GOLM2: variants seen among roughly 807,000 people sequenced by gnomAD.
GOLM2 encodes the protein golgi membrane protein 2.
A neutral mutation model predicts 55.9 loss-of-function variants in GOLM2; 26 were observed. The ratio of observed to expected loss-of-function variants is 0.47; its 90% CI spans 0.34 to 0.65. The LOEUF (loss-of-function observed/expected upper bound fraction) is 0.65. GOLM2 is among the 30% of genes least tolerant of loss of function. The pLI is 0.01. For missense variants in GOLM2, 486 were observed against 531.8 expected (o/e 0.91, Z 0.85); for synonymous variants, 165 against 194.6 (o/e 0.85, Z 1.27).
At chr15:44,344,491 A>G (rs1339267640) in intron 6 of GOLM2, among the ~76,000 whole-genome samples, 1 of 151,852 alleles carries the variant, frequency 6.6e-6, no homozygotes, top group African/African-American at 2.4e-5. Context: ...TACCTTCTTG[A>G]CCTGGATACT....
At chr15:44,340,732 A>T (rs546512460) in intron 6 of GOLM2, among the ~76,000 whole-genome samples, 1 of 152,350 alleles carries the variant, frequency 6.6e-6, no homozygotes, top group East Asian at 1.9e-4. Flanking sequence ...GATCTATGCT[A>T]AAATTTGAGA....
At chr15:44,400,299 T>C (rs182971680) in intron 8 of GOLM2, among the ~76,000 whole-genome samples, 1 of 151,940 alleles carries the variant, frequency 6.6e-6, no homozygotes, top group Non-Finnish European at 1.5e-5. Flanking sequence ...TTCAGTCTCC[T>C]GTTGTCCCCA....
At chr15:44,330,622 T>C (rs1384555058) in intron 3 of GOLM2, among the ~76,000 whole-genome samples, 2 of 151,962 alleles carry the variant, frequency 1.3e-5, no homozygotes, top group Admixed American at 6.6e-5. Context: ...TCCCAGCTAC[T>C]TGGGAGGCAG....
intron 3 of GOLM2, 140 bp downstream of exon 3, chr15:44,328,927 CT>C: frequency 1.9e-6 from 1 of 538,002 alleles, no homozygotes; most frequent in African/African-American, 2.0e-5. Flanking sequence ...AATTCCTTTT[CT>C]ATTATCTTTC....
At chr15:44,292,630 G>C (rs2078729231) in intron 1 of GOLM2, among the ~76,000 whole-genome samples, 1 of 152,072 alleles carries the variant, frequency 6.6e-6, no homozygotes, top group Non-Finnish European at 1.5e-5. Context: ...TGGGATTCTA[G>C]GTGTGTGCCA....
chr15:44,400,681 A>C (rs2079559496), intron 8 of GOLM2, among the ~76,000 whole-genome samples: 1 of 141,712 alleles, frequency 7.1e-6, no homozygotes, highest in African/African-American at 2.7e-5. Context: ...GGTTCACACC[A>C]TTCTCCTGCC....
chr15:44,386,544 T>C (rs1320913240), intron 8 of GOLM2, among the ~76,000 whole-genome samples: 1 of 152,150 alleles, frequency 6.6e-6, no homozygotes, highest in East Asian at 1.9e-4. Context: ...AGGATCTGCT[T>C]TTCCATTTCT....
chr15:44,312,816 C>T (rs1009696322), intron 1 of GOLM2, among the ~76,000 whole-genome samples: 3 of 152,124 alleles, frequency 2.0e-5, no homozygotes, highest in African/African-American at 7.2e-5. Context: ...TGCGGTGGCT[C>T]ACGCCTGTAA....
chr15:44,307,894 A>T (rs1214095898), intron 1 of GOLM2: 1 of 152,204 alleles, frequency 6.6e-6, no homozygotes, highest in Non-Finnish European at 1.5e-5. Flanking sequence ...AGGCCAGGAA[A>T]GCTGGAAAGT....
chr15:44,402,171 C>T (rs1259135467), intron 8 of GOLM2, among the ~76,000 whole-genome samples: 1 of 150,658 alleles, frequency 6.6e-6, no homozygotes, highest in African/African-American at 2.4e-5. Context: ...GTATAATATA[C>T]TGGCCTGTTA....
At chr15:44,358,349 T>A (rs773654728) in intron 6 of GOLM2, among the ~76,000 whole-genome samples, 1 of 152,126 alleles carries the variant, frequency 6.6e-6, no homozygotes, top group Non-Finnish European at 1.5e-5. Flanking sequence ...CGAGACTCTG[T>A]CTCAAAGAAA....
At chr15:44,374,312 T>C (rs1338449800) in intron 6 of GOLM2, among the ~76,000 whole-genome samples, 4 of 152,040 alleles carry the variant, frequency 2.6e-5, no homozygotes, top group Non-Finnish European at 4.4e-5. Flanking sequence ...ATCAATGATA[T>C]ATGTTTTAGC....
chr15:44,374,373 G>T (rs942500261), intron 6 of GOLM2, among the ~76,000 whole-genome samples: 2 of 151,988 alleles, frequency 1.3e-5, no homozygotes, highest in East Asian at 1.9e-4. Context: ...CTGAGGCCAG[G>T]CACGATGGTT....
intron 6 of GOLM2, among the ~76,000 whole-genome samples, chr15:44,350,994 C>A (rs2079157894): frequency 6.6e-6 from 1 of 152,016 alleles, no homozygotes; most frequent in African/African-American, 2.4e-5. Flanking sequence ...TAATAAAAGC[C>A]ATATGTGGCA....
intron 6 of GOLM2, among the ~76,000 whole-genome samples, chr15:44,355,942 C>T (rs568216315): frequency 6.6e-6 from 1 of 152,004 alleles, no homozygotes; most frequent in Non-Finnish European, 1.5e-5. Flanking sequence ...TGGAAAATCC[C>T]AAAATATGTG....
intron 8 of GOLM2, among the ~76,000 whole-genome samples, chr15:44,385,968 T>C (rs544489434): frequency 7.5e-4 from 114 of 152,358 alleles, no homozygotes; most frequent in African/African-American, 2.7e-3. Flanking sequence ...TTTGCAAATA[T>C]TTTTGCACAG....
intron 3 of GOLM2, among the ~76,000 whole-genome samples, chr15:44,331,082 T>C (rs959182841): frequency 2.0e-5 from 3 of 152,144 alleles, no homozygotes; most frequent in African/African-American, 4.8e-5. Context: ...TGGCACAATC[T>C]CAGCTCACTG....
chr15:44,294,570 C>T (rs978733954), intron 1 of GOLM2, among the ~76,000 whole-genome samples: 4 of 151,820 alleles, frequency 2.6e-5, no homozygotes, highest in African/African-American at 4.8e-5. Flanking sequence ...AAAAATTAGT[C>T]GGGTATGGTG....
At chr15:44,369,086 T>C (rs2079308797) in intron 6 of GOLM2, among the ~76,000 whole-genome samples, 1 of 77,724 alleles carries the variant, frequency 1.3e-5, no homozygotes, top group African/African-American at 4.8e-5. Context: ...TATATATATA[T>C]ATATATATAT....
Sources: gnomAD v4.1 joint callset for allele counts (sites outside exome capture counted in the v4.1 genomes callset) on GRCh38, gnomAD v4.1.1 for gene constraint, MANE v1.5 for transcripts, NCBI Gene and HGNC (gene_info 2026-07-23, HGNC 2026-07-21) for gene names.